The following STK33 variants were observed in gnomAD, a reference collection of about 807,000 sequenced individuals.
STK33 encodes serine/threonine-protein kinase 33.
Under a neutral mutation model 58.0 loss-of-function variants are expected in STK33, and 52 were observed. That is an observed-to-expected ratio of 0.90 (90% confidence interval 0.72 to 1.13). STK33 has a LOEUF of 1.13. STK33 is among the 50% of genes most tolerant of loss of function. The pLI is 0.00. For synonymous variants in STK33, 215 were observed against 200.1 expected (o/e 1.07, Z -0.63); for missense variants, 630 against 604.2 (o/e 1.04, Z -0.45).
At chr11:8,582,704 A>G (rs1183909519) in intron 1 of STK33, among the ~76,000 whole-genome samples, 1 of 152,204 alleles carries the variant, frequency 6.6e-6, no homozygotes, top group African/African-American at 2.4e-5. Context: ...CATATCAAGT[A>G]TGTATGTGTA....
chr11:8,562,929 A>C (rs181846328), intron 1 of STK33, among the ~76,000 whole-genome samples: 1 of 152,316 alleles, frequency 6.6e-6, no homozygotes, highest in East Asian at 1.9e-4. Flanking sequence ...TCACAAGAAT[A>C]GCAGATCAAT....
Position 8,452,916 on chromosome 11 carries a change from G to T in STK33, c.787-10C>A, listed in dbSNP as rs1370531169. The T allele has an allele frequency of 1.9e-6, 3 of 1,612,684 alleles. No individual in the cohort carries two copies. The South Asian group carries it at 3.3e-5, about 18-fold the overall frequency. The stretch of plus-strand genomic sequence containing the variant: ...AGCCAAAATCAGTCACCTGGGAGAA[G>T]AAATTCAAGCACAGTCACCTGTTTT... On this transcript the variant is annotated splice_polypyrimidine_tract_variant and intron_variant, in intron 10 of 15. Coordinates refer to ENST00000687296, the MANE Select transcript of STK33 (RefSeq NM_001352389.2).
intron 1 of STK33, among the ~76,000 whole-genome samples, chr11:8,519,647 A>G (rs1476570649): frequency 1.3e-5 from 2 of 152,214 alleles, no homozygotes; most frequent in Non-Finnish European, 2.9e-5. Context: ...ACAATAAAAA[A>G]TGATAAAGGG....
chr11:8,378,384 GGT>G, the STK33 span, among the ~76,000 whole-genome samples: 25,805 of 152,148 alleles, frequency 0.17, 2,561 homozygotes, highest in South Asian at 0.32. Flanking sequence ...TGGGCATGGT[GGT>G]GCATGCCTGT....
At chr11:8,547,983 T>A (rs1355111315) in intron 1 of STK33, among the ~76,000 whole-genome samples, 1 of 125,316 alleles carries the variant, frequency 8.0e-6, no homozygotes, top group Admixed American at 9.8e-5. Flanking sequence ...GGACACTGGA[T>A]GGGGAACATC....
At chr11:8,354,361 G>A in the STK33 span, among the ~76,000 whole-genome samples, 1 of 151,776 alleles carries the variant, frequency 6.6e-6, no homozygotes, top group East Asian at 1.9e-4. Context: ...CTATCCTAAG[G>A]TACAGTCCTA....
intron 1 of STK33, among the ~76,000 whole-genome samples, chr11:8,568,666 T>C (rs1044266280): frequency 3.3e-5 from 5 of 152,310 alleles, no homozygotes; most frequent in African/African-American, 1.2e-4. Flanking sequence ...CTTCACTAAG[T>C]ACAGTTCCAT....
chr11:8,413,706 T>C lies in STK33; in HGVS notation c.1147-14A>G. ...AAGTTTATTGCCCTAATATTAACAA[T>C]CAATTTTTGGTGTTATAAACAACTT... is the stretch of plus-strand genomic sequence containing the variant. On this transcript the variant is annotated splice_polypyrimidine_tract_variant and intron_variant, in intron 14 of 15. Transcript: ENST00000687296. 6.2e-7 allele frequency: 1 copy of C among 1,609,716 alleles called. No homozygotes were observed. The highest frequency in any genetic ancestry group is 8.5e-7 in the Non-Finnish European group (1 of 1,178,026).
chr11:8,515,790 T>C (rs374871573), intron 1 of STK33, among the ~76,000 whole-genome samples: 3 of 152,096 alleles, frequency 2.0e-5, no homozygotes, highest in African/African-American at 7.2e-5. Context: ...CACTTTTTCA[T>C]GATAAAAAAC....
intron 11 of STK33, among the ~76,000 whole-genome samples, chr11:8,441,495 G>A (rs151001034): frequency 4.9e-4 from 75 of 152,196 alleles, no homozygotes; most frequent in Non-Finnish European, 7.8e-4. Flanking sequence ...AGGACTACAG[G>A]TGCATACTAT....
At chr11:8,440,029 AC>A in intron 12 of STK33, among the ~76,000 whole-genome samples, 1 of 151,520 alleles carries the variant, frequency 6.6e-6, no homozygotes, top group Non-Finnish European at 1.5e-5. Context: ...AGTCAGAAAG[AC>A]CCTGCAATAG....
intron 1 of STK33, among the ~76,000 whole-genome samples, chr11:8,488,770 A>T (rs565819558): frequency 6.6e-6 from 1 of 152,308 alleles, no homozygotes; most frequent in East Asian, 1.9e-4. Context: ...GAGTTGCCAC[A>T]TATAAAATGT....
At chr11:8,351,466 C>A in the STK33 span, among the ~76,000 whole-genome samples, 1 of 152,358 alleles carries the variant, frequency 6.6e-6, no homozygotes, top group South Asian at 2.1e-4. Flanking sequence ...CCCCTTAGGG[C>A]AGCCGGGGCT....
Position 8,457,420 on chromosome 11 carries a change from C to T in STK33, c.618G>A (p.Arg206=). ...TCTCATTCTCTGAGAAATGCCCTTT[C>T]CTATCCAGAATTTCTTTGAGTTCTC... is the stretch of plus-strand genomic sequence containing the variant. The part of the protein sequence containing the change: ...EDGELKEILD[R]KGHFSENETR... The change falls in exon 9 of 16, where the codon AGG becomes AGA. Residue 206 remains arginine (R), a synonymous_variant. Coordinates refer to ENST00000687296, the MANE Select transcript of STK33 (RefSeq NM_001352389.2). 6.2e-7 allele frequency: 1 copy of T among 1,607,278 alleles called. No individual in the cohort carries two copies. Among genetic ancestry groups the T allele is most frequent in the South Asian group, 1.1e-5 (1 of 90,058 alleles).
At chr11:8,334,939 C>T in the STK33 span, among the ~76,000 whole-genome samples, 6 of 152,248 alleles carry the variant, frequency 3.9e-5, no homozygotes. Context: ...TCTTGGTCTG[C>T]TTCCAGCCAA....
At chr11:8,553,176 A>ATATATATATATATATATATATATGGTG (rs1956439371) in intron 1 of STK33, among the ~76,000 whole-genome samples, 1 of 74,664 alleles carries the variant, frequency 1.3e-5, no homozygotes, top group Non-Finnish European at 2.4e-5. Context: ...AAATATATAT[A>ATATATATATATATATATATATATGGTG]TATATATATA....
chr11:8,362,916 T>TCCTCCTTTCCTTCCTCCCTCCTTTCCTC, the STK33 span, among the ~76,000 whole-genome samples: 4 of 149,070 alleles, frequency 2.7e-5, no homozygotes, highest in Non-Finnish European at 3.0e-5. Flanking sequence ...CTTCCTTCCT[T>TCCTCCTTTCCTTCCTCCCTCCTTTCCTC]CCTCCCTCCT....
the STK33 span, among the ~76,000 whole-genome samples, chr11:8,348,588 G>A: frequency 6.6e-6 from 1 of 152,168 alleles, no homozygotes; most frequent in African/African-American, 2.4e-5. Context: ...GGTGGGGATA[G>A]AGCCAAACCA....
chr11:8,580,684 G>A (rs1437591196), intron 1 of STK33: 1 of 152,120 alleles, frequency 6.6e-6, no homozygotes, highest in Non-Finnish European at 1.5e-5. Flanking sequence ...CATTTTCCAT[G>A]ATGTGATTAC....
Sources: allele counts gnomAD v4.1 joint callset (sites outside exome capture counted in the v4.1 genomes callset), GRCh38; gene constraint gnomAD v4.1.1; transcripts MANE v1.5; gene names NCBI Gene and HGNC (gene_info 2026-07-23, HGNC 2026-07-21).